The following RHOH variants were observed in gnomAD, a reference collection of about 807,000 sequenced individuals.
RHOH encodes ras homolog family member H.
A neutral mutation model predicts 13.8 loss-of-function variants in RHOH; 6 were observed. That is an observed-to-expected ratio of 0.44 (90% CI 0.24 to 0.86). The LOEUF is 0.86. RHOH is among the 40% of genes least tolerant of loss of function. RHOH has a pLI of 0.24. For synonymous variants in RHOH, 117 were observed against 103.0 expected (o/e 1.14, Z -0.82); for missense variants, 147 against 244.5 (o/e 0.60, Z 2.66).
At chr4:40,194,919 C>T (rs77049401), upstream of RHOH, among the ~76,000 whole-genome samples, 728 of 152,284 alleles carry the variant, frequency 4.8e-3, 6 homozygotes, top group African/African-American at 0.017. Flanking sequence ...GTTGTCTTCT[C>T]TATGGGAATC....
intron 1 of RHOH, among the ~76,000 whole-genome samples, chr4:40,216,275 C>T (rs1476694476): frequency 1.3e-5 from 2 of 151,810 alleles, no homozygotes; most frequent in Non-Finnish European, 2.9e-5. Flanking sequence ...TTGAGACCAG[C>T]CTGGCCAACA....
intron 1 of RHOH, among the ~76,000 whole-genome samples, chr4:40,199,537 T>TATGAGATGAGAG (rs1723689886): frequency 6.6e-6 from 1 of 152,188 alleles, no homozygotes; most frequent in Non-Finnish European, 1.5e-5. Flanking sequence ...TTCTCTAGCT[T>TATGAGATGAGAG]ATGAGATGAG....
In RHOH at chr4:40,240,726, G is replaced by A. The variant is rs138676696; in HGVS notation, c.-330-1988G>A. 6.3e-3 allele frequency among the ~76,000 whole-genome samples: 961 copies of A among 152,192 alleles called. 16 individuals carry two copies. The highest frequency in any genetic ancestry group is 0.022 in the African/African-American group (902 of 41,530). On this transcript the variant is annotated intron_variant, in intron 1 of 2. Transcript: ENST00000381799. ...CAGGAGGCAGAGGTTGCAGTGAGCCGAGATCGAGCCACTGCACTCCAGCCT... is the reference window on the plus strand; with the variant it reads ...CAGGAGGCAGAGGTTGCAGTGAGCCAAGATCGAGCCACTGCACTCCAGCCT...
At chr4:40,224,434 G>C (rs1029712006) in intron 1 of RHOH, among the ~76,000 whole-genome samples, 1 of 152,228 alleles carries the variant, frequency 6.6e-6, no homozygotes, top group African/African-American at 2.4e-5. Context: ...TGGATTAAAA[G>C]GTCTCCGCAT....
chr4:40,226,540 A>G (rs2381504), intron 1 of RHOH, among the ~76,000 whole-genome samples: 84,662 of 137,904 alleles, frequency 0.61, 27,377 homozygotes, highest in Non-Finnish European at 0.7. Flanking sequence ...AAAAAAAAAA[A>G]AAAAAGAAAA....
At chr4:40,204,838 TA>T (rs1413065435) in intron 1 of RHOH, among the ~76,000 whole-genome samples, 1 of 152,232 alleles carries the variant, frequency 6.6e-6, no homozygotes, top group South Asian at 2.1e-4. Context: ...AACATATGAT[TA>T]ATGCTCTAAA....
rs1393525344 is a variant in RHOH, at chr4:40,243,752, G to C, written c.366G>C (p.Glu122Asp). The C allele has an allele frequency of 6.8e-6, 11 of 1,613,968 alleles. No individual in the cohort carries two copies. The highest frequency in any genetic ancestry group is 9.3e-6 in the Non-Finnish European group (11 of 1,180,028). ...TGGCCACCCAGACTGACCAGCGGGA[G>C]ATGGGGCCCCACAGGGCCTCCTGCG... ...LVVATQTDQR[E>D]MGPHRASCVN... Residue 122 changes from glutamate (E) to aspartate (D), a missense_variant, in exon 3 of 3, where the codon GAG (glutamate) becomes GAC (aspartate). By Grantham distance (45) the Glu-to-Asp change is conservative. Coordinates refer to ENST00000381799, the MANE Select transcript of RHOH (RefSeq NM_004310.5). The surrounding 1 kb of genome is among the most constrained non-coding windows in gnomAD (Gnocchi z 6.2).
At chr4:40,234,178 C>T (rs558166455) in intron 1 of RHOH, among the ~76,000 whole-genome samples, 6 of 87,560 alleles carry the variant, frequency 6.9e-5, no homozygotes, top group East Asian at 4.1e-4. Flanking sequence ...TGAGAAAACA[C>T]GAGTCTTTGG....
In RHOH at chr4:40,243,370, G is replaced by A. The variant is rs777769585; in HGVS notation, c.-17G>A. On this transcript the variant is annotated 5_prime_UTR_variant, in exon 3 of 3. Transcript: ENST00000381799. The surrounding 1 kb of genome is among the most constrained non-coding windows in gnomAD (Gnocchi z 6.2). ...CCTGGGATTCTGGACTTCAGAGTAG[G>A]ACAGCAGGCTGGGAAGATGCTGAGT... The A allele has an allele frequency of 6.4e-7, 1 of 1,563,814 alleles. No individual in the cohort carries two copies. The highest frequency in any genetic ancestry group is 1.8e-5 in the Admixed American group (1 of 54,690).
chr4:40,215,465 CTG>C (rs1486606266), intron 1 of RHOH, among the ~76,000 whole-genome samples: 1 of 152,052 alleles, frequency 6.6e-6, no homozygotes, highest in Non-Finnish European at 1.5e-5. Context: ...CTTTCAAGCA[CTG>C]TGTGTCTTTT....
chr4:40,215,333 C>T (rs891283585), intron 1 of RHOH, among the ~76,000 whole-genome samples: 3 of 152,190 alleles, frequency 2.0e-5, no homozygotes, highest in African/African-American at 7.2e-5. Context: ...AAAGGTCTGT[C>T]TTTGTGGGCT....
intron 1 of RHOH, among the ~76,000 whole-genome samples, chr4:40,222,927 A>G (rs934926600): frequency 2.0e-5 from 3 of 152,212 alleles, no homozygotes; most frequent in African/African-American, 7.2e-5. Context: ...GTTTGGAAGA[A>G]GTTGATTCCA....
At chr4:40,226,526 C>CA (rs892642366) in intron 1 of RHOH, among the ~76,000 whole-genome samples, 4,378 of 132,904 alleles carry the variant, frequency 0.033, 93 homozygotes, top group African/African-American at 0.043. Flanking sequence ...AACTCCATCT[C>CA]AAAAAAAAAA....
At chr4:40,237,393 G>T (rs901779422) in intron 1 of RHOH, among the ~76,000 whole-genome samples, 2 of 151,940 alleles carry the variant, frequency 1.3e-5, no homozygotes, top group African/African-American at 4.8e-5. Flanking sequence ...AGGTGGAGGC[G>T]GCAGTGAGCC....
At chr4:40,191,495 G>A (rs185816664), upstream of RHOH, among the ~76,000 whole-genome samples, 133 of 152,320 alleles carry the variant, frequency 8.7e-4, 6 homozygotes, top group East Asian at 0.017. Context: ...TTGCAAAAGC[G>A]CATCAACTAT....
At chr4:40,224,632 G>A (rs1727010221) in intron 1 of RHOH, among the ~76,000 whole-genome samples, 1 of 152,190 alleles carries the variant, frequency 6.6e-6, no homozygotes, top group Non-Finnish European at 1.5e-5. Flanking sequence ...GTTCTTAATG[G>A]TGTGTACAGC....
chr4:40,204,916 G>A (rs1174616184), intron 1 of RHOH, among the ~76,000 whole-genome samples: 2 of 152,222 alleles, frequency 1.3e-5, no homozygotes, highest in Non-Finnish European at 2.9e-5. Context: ...AGTCTCTCAA[G>A]ATGCCACTTT....
At chr4:40,224,329 T>C (rs1463255391) in intron 1 of RHOH, among the ~76,000 whole-genome samples, 1 of 152,232 alleles carries the variant, frequency 6.6e-6, no homozygotes, top group African/African-American at 2.4e-5. Flanking sequence ...AGTTCTTTTT[T>C]TGCTGTCGTG....
intron 1 of RHOH, among the ~76,000 whole-genome samples, chr4:40,210,091 T>TGC (rs1725084217): frequency 7.7e-6 from 1 of 129,348 alleles, no homozygotes; most frequent in Non-Finnish European, 1.6e-5. Flanking sequence ...ATTGTGTGCG[T>TGC]GTGTGTGTGT....
Sources: allele counts gnomAD v4.1 joint callset (sites outside exome capture counted in the v4.1 genomes callset), GRCh38; gene constraint gnomAD v4.1.1; non-coding constraint Gnocchi (gnomAD v3.1); transcripts MANE v1.5; gene names NCBI Gene and HGNC (gene_info 2026-07-23, HGNC 2026-07-21).